The following FCHSD2 variants were observed in gnomAD, a reference collection of about 807,000 sequenced individuals.
FCHSD2 encodes FCH and double SH3 domains 2.
A neutral mutation model predicts 108.1 loss-of-function variants in FCHSD2; 38 were observed. The observed-to-expected ratio is 0.35, with a 90% CI of 0.27 to 0.46. The LOEUF (loss-of-function observed/expected upper bound fraction) is 0.46. Among genes scored for constraint, FCHSD2 ranks in the 20% least tolerant of loss-of-function variants. The pLI is 1.00. For synonymous variants in FCHSD2, 279 were observed against 314.7 expected (o/e 0.89, Z 1.20); for missense variants, 751 against 897.8 (o/e 0.84, Z 2.09).
intron 3 of FCHSD2, among the ~76,000 whole-genome samples, chr11:73,069,626 A>T (rs1281328335): frequency 6.6e-6 from 1 of 152,164 alleles, no homozygotes; most frequent in Non-Finnish European, 1.5e-5. Context: ...GCAAAGAATT[A>T]AAAATATGTG....
chr11:72,928,439 C>T (rs550487828), intron 8 of FCHSD2, among the ~76,000 whole-genome samples: 17 of 152,292 alleles, frequency 1.1e-4, no homozygotes, highest in Non-Finnish European at 1.8e-4. Context: ...ATGACATTCA[C>T]TTTCATGTTC....
intron 3 of FCHSD2, among the ~76,000 whole-genome samples, chr11:73,031,965 A>T (rs1858371487): frequency 6.6e-6 from 1 of 152,224 alleles, no homozygotes; most frequent in African/African-American, 2.4e-5. Flanking sequence ...GGATTAATTT[A>T]AAAAATTAAT....
chr11:72,925,646 A>G (rs1856061421), intron 8 of FCHSD2, among the ~76,000 whole-genome samples: 1 of 152,208 alleles, frequency 6.6e-6, no homozygotes, highest in Non-Finnish European at 1.5e-5. Flanking sequence ...TCATGAGATA[A>G]TAACTGACGC....
intron 3 of FCHSD2, among the ~76,000 whole-genome samples, chr11:73,032,495 G>C (rs1858384693): frequency 1.3e-5 from 2 of 151,990 alleles, no homozygotes; most frequent in South Asian, 4.2e-4. Flanking sequence ...CAAGGTGCTA[G>C]GATTACAGGT....
chr11:73,118,027 T>C (rs1047768564), intron 2 of FCHSD2, among the ~76,000 whole-genome samples: 43 of 152,162 alleles, frequency 2.8e-4, no homozygotes, highest in African/African-American at 9.2e-4. Context: ...TATCAAGACA[T>C]AGAATGGGGC....
intron 2 of FCHSD2, among the ~76,000 whole-genome samples, chr11:73,088,249 T>C (rs1859870072): frequency 6.6e-6 from 1 of 152,212 alleles, no homozygotes; most frequent in Admixed American, 6.5e-5. Flanking sequence ...AATACCATCA[T>C]GTTACAACTG....
intron 8 of FCHSD2, among the ~76,000 whole-genome samples, chr11:72,953,339 C>G (rs148694719): frequency 6.6e-6 from 1 of 152,088 alleles, no homozygotes; most frequent in African/African-American, 2.4e-5. Context: ...TTCACAATTT[C>G]TTTTTCAAAA....
At position 72,870,346 on chromosome 11, in the gene FCHSD2, A is replaced by G. The variant is rs947163484; in HGVS notation, c.1147-2320T>C. ...TTGGGGGCTCCTTTAAGACTCGAGC[A>G]TTGACATTCAGCGTTATTCTCCTGT... On this transcript the variant is annotated intron_variant, in intron 12 of 19. Transcript: ENST00000409418. 7.9e-5 allele frequency among the ~76,000 whole-genome samples: 12 copies of G among 152,154 alleles called. 1 individual carries two copies. The South Asian group carries it at 2.5e-3, about 32-fold the overall frequency.
chr11:72,893,411 G>A (rs1023701287), intron 10 of FCHSD2, among the ~76,000 whole-genome samples: 1 of 152,072 alleles, frequency 6.6e-6, no homozygotes, highest in Non-Finnish European at 1.5e-5. Flanking sequence ...GACCTCCCAA[G>A]CTCAAGCAAT....
chr11:73,109,455 T>C (rs772092717), intron 2 of FCHSD2, among the ~76,000 whole-genome samples: 6 of 150,742 alleles, frequency 4.0e-5, no homozygotes, highest in Non-Finnish European at 5.9e-5. Context: ...AGTTAATTCA[T>C]AGGCATTTTA....
At chr11:73,041,068 T>C (rs531918603) in intron 3 of FCHSD2, among the ~76,000 whole-genome samples, 13 of 152,342 alleles carry the variant, frequency 8.5e-5, no homozygotes, top group African/African-American at 3.1e-4. Flanking sequence ...TTTCATTCTT[T>C]TTTATGGCTA....
intron 14 of FCHSD2, among the ~76,000 whole-genome samples, chr11:72,844,832 A>G (rs2135159946): frequency 6.6e-6 from 1 of 152,310 alleles, no homozygotes; most frequent in South Asian, 2.1e-4. Flanking sequence ...CCATTTTATG[A>G]ACATTAAAAC....
chr11:72,928,841 T>TA (rs201783308), intron 8 of FCHSD2, among the ~76,000 whole-genome samples: 34,136 of 151,990 alleles, frequency 0.22, 4,618 homozygotes, highest in Middle Eastern at 0.37. Flanking sequence ...CATTTAGCAT[T>TA]AGGTATATCT....
chr11:73,065,281 A>G (rs2135492342), intron 3 of FCHSD2, among the ~76,000 whole-genome samples: 2 of 152,364 alleles, frequency 1.3e-5, no homozygotes, highest in South Asian at 4.1e-4. Context: ...ATAGATGCAG[A>G]AAAGGCCTTT....
intron 3 of FCHSD2, among the ~76,000 whole-genome samples, chr11:73,074,558 C>CCT (rs1859506153): frequency 6.6e-6 from 1 of 151,772 alleles, no homozygotes; most frequent in South Asian, 2.1e-4. Context: ...AGCAATATAC[C>CCT]CTTAAGTAGG....
intron 12 of FCHSD2, among the ~76,000 whole-genome samples, chr11:72,879,248 C>A (rs1855030957): frequency 6.6e-6 from 1 of 152,158 alleles, no homozygotes. Flanking sequence ...CCAAACAAAG[C>A]TTAAAAGCAA....
intron 9 of FCHSD2, among the ~76,000 whole-genome samples, chr11:72,916,061 G>C (rs1486923133): frequency 6.6e-6 from 1 of 152,130 alleles, no homozygotes; most frequent in Non-Finnish European, 1.5e-5. Context: ...CCAGAGGGTA[G>C]AGGGTGGAGG....
At chr11:73,094,352 G>A (rs1450679751) in intron 2 of FCHSD2, among the ~76,000 whole-genome samples, 2 of 152,204 alleles carry the variant, frequency 1.3e-5, no homozygotes, top group Admixed American at 1.3e-4. Context: ...ACCACTTGGG[G>A]AAAAGTCTGG....
In FCHSD2 at chr11:73,045,753, C is replaced by A. The variant is rs373583526; in HGVS notation, c.166-29868G>T. Reference sequence around the variant, plus strand: ...TGGACACAGGAAGGGGAACATCACACTCTGGGGACTGTTGTGGGGTGGGGG... The same window carrying A: ...TGGACACAGGAAGGGGAACATCACAATCTGGGGACTGTTGTGGGGTGGGGG... On this transcript the variant is annotated intron_variant, in intron 3 of 19. Coordinates refer to ENST00000409418, the MANE Select transcript of FCHSD2 (RefSeq NM_014824.3). Among the ~76,000 whole-genome samples the A allele has an allele frequency of 3.0e-4, 45 of 151,532 alleles. No homozygotes were observed. The East Asian group carries it at 4.1e-3, about 14-fold the overall frequency.
Sources: gnomAD v4.1 joint callset for allele counts (sites outside exome capture counted in the v4.1 genomes callset) on GRCh38, gnomAD v4.1.1 for gene constraint, MANE v1.5 for transcripts, NCBI Gene and HGNC (gene_info 2026-07-23, HGNC 2026-07-21) for gene names.